IL1RAPL2: variants seen among roughly 807,000 people sequenced by gnomAD.
IL1RAPL2 encodes interleukin 1 receptor accessory protein like 2, also known as X-linked interleukin-1 receptor accessory protein-like 2.
IL1RAPL2 carries 3 observed loss-of-function variants against 44.1 expected under a neutral mutation model. That is an observed-to-expected ratio of 0.07 (90% CI 0.03 to 0.18). The LOEUF (loss-of-function observed/expected upper bound fraction) is 0.18, where lower values mean the gene tolerates loss of function less well. Among genes scored for constraint, IL1RAPL2 ranks in the 10% least tolerant of loss-of-function variants. IL1RAPL2 has a pLI of 1.00. For synonymous variants in IL1RAPL2, 181 were observed against 178.8 expected, an observed-to-expected ratio of 1.01 and a Z score of -0.10; for missense variants, 391 against 496.4, an observed-to-expected ratio of 0.79 and a Z score of 2.02.
At chrX:104,738,593 A>G (rs1932053933) in intron 2 of IL1RAPL2, among the ~76,000 whole-genome samples, 1 of 111,400 alleles carries the variant, frequency 9.0e-6, no homozygotes, top group Non-Finnish European at 1.9e-5. Flanking sequence ...TGGGTATAGT[A>G]TAAACTAACA....
chrX:105,282,715 C>G (rs1428779732), intron 5 of IL1RAPL2, among the ~76,000 whole-genome samples: 1 of 111,617 alleles, frequency 9.0e-6, no homozygotes, highest in Non-Finnish European at 1.9e-5. Context: ...ATAACTCTCT[C>G]TAGCTATATT....
rs1159063011 is a variant in IL1RAPL2 at position 104,660,390 on chromosome X, G to C, written c.82+1395G>C. Among the ~76,000 whole-genome samples, 3 of 108,329 alleles carry C rather than the reference G, an allele frequency of 2.8e-5. No individual in the cohort carries two copies. In the Admixed American group the frequency reaches 3.0e-4, roughly 11 times the overall value. 94.1% of individuals were successfully genotyped at this position (108,329 alleles called of 115,157 possible). A position where few individuals can be genotyped will look rare whatever the true frequency, so the allele number is the denominator to read the frequency against. On this transcript the variant is annotated intron_variant, in intron 2 of 10. Transcript: ENST00000372582. ...ATAATGTCTGGAGCAGATCCGAAAG[G>C]AAAAAAAGAAACGAGGGTTTAAAAA...
rs752240935 is a variant in IL1RAPL2 at position 105,058,114 on chromosome X, A to AT, written c.83-137351dup. On this transcript the variant is annotated intron_variant, in intron 2 of 10. Coordinates refer to ENST00000372582, the MANE Select transcript of IL1RAPL2 (RefSeq NM_017416.2). ...CAGGCGCCTGCCACCACGCCCGGCT[A>AT]TTTTTTTTTTGTATTTTCAGTAGAG... is the stretch of plus-strand genomic sequence containing the variant. 2.7e-3 allele frequency among the ~76,000 whole-genome samples: 281 copies of AT among 104,374 alleles called. 1 individual carries two copies. The highest frequency in any genetic ancestry group is 9.5e-3 in the South Asian group (22 of 2,321). 90.6% of individuals were successfully genotyped at this position (104,374 alleles called of 115,157 possible). A position where few individuals can be genotyped will look rare whatever the true frequency, so the allele number is the denominator to read the frequency against.
At chrX:104,928,756 G>A (rs1295292551) in intron 2 of IL1RAPL2, among the ~76,000 whole-genome samples, 1 of 111,090 alleles carries the variant, frequency 9.0e-6, no homozygotes, top group African/African-American at 3.3e-5. Context: ...ATGTTACTTC[G>A]TAGAATAAGA....
At chrX:104,856,078 T>C (rs915469904) in intron 2 of IL1RAPL2, among the ~76,000 whole-genome samples, 1 of 111,461 alleles carries the variant, frequency 9.0e-6, no homozygotes. Context: ...GTGCCTTCCA[T>C]GTAGTAAGCA....
intron 1 of IL1RAPL2, among the ~76,000 whole-genome samples, chrX:104,643,864 AG>A (rs1370506727): frequency 1.8e-5 from 2 of 111,808 alleles, no homozygotes; most frequent in Non-Finnish European, 3.8e-5. Flanking sequence ...TCCTTGCTGT[AG>A]TAAAATTACT....
At chrX:104,705,418 A>G (rs1931348386) in intron 2 of IL1RAPL2, among the ~76,000 whole-genome samples, 1 of 111,523 alleles carries the variant, frequency 9.0e-6, no homozygotes, top group Non-Finnish European at 1.9e-5. Flanking sequence ...TCAATCTGGA[A>G]ATCAGGGCCC....
chrX:105,309,552 T>C (rs999414096), intron 5 of IL1RAPL2, among the ~76,000 whole-genome samples: 17 of 106,459 alleles, frequency 1.6e-4, no homozygotes, highest in Admixed American at 1.5e-3. Flanking sequence ...GCCAACATGG[T>C]GAAACCCCAT....
At chrX:105,085,702 T>C (rs1164974496) in intron 2 of IL1RAPL2, among the ~76,000 whole-genome samples, 1 of 111,522 alleles carries the variant, frequency 9.0e-6, no homozygotes, top group Non-Finnish European at 1.9e-5. Context: ...ACATGGGAGT[T>C]AGGGATGCTG....
At chrX:105,648,422 T>G (rs1397820964) in intron 6 of IL1RAPL2, among the ~76,000 whole-genome samples, 2 of 111,415 alleles carry the variant, frequency 1.8e-5, no homozygotes, top group Non-Finnish European at 3.8e-5. Context: ...GAATTAGAAT[T>G]TTTAAAAACA....
At chrX:105,298,417 A>C (rs756230166) in intron 5 of IL1RAPL2, among the ~76,000 whole-genome samples, 67 of 110,951 alleles carry the variant, frequency 6.0e-4, no homozygotes, top group African/African-American at 2.1e-3. Flanking sequence ...CGGGAATTAG[A>C]GATGACTCTT....
chrX:104,772,480 A>G (rs1207751169), intron 2 of IL1RAPL2, among the ~76,000 whole-genome samples: 1 of 112,154 alleles, frequency 8.9e-6, no homozygotes, highest in African/African-American at 3.2e-5. Flanking sequence ...TAAAGCCTTT[A>G]TATAAAAGTT....
intron 2 of IL1RAPL2, among the ~76,000 whole-genome samples, chrX:104,907,997 T>G (rs1374762117): frequency 9.0e-6 from 1 of 110,592 alleles, no homozygotes; most frequent in Non-Finnish European, 1.9e-5. Flanking sequence ...CTGTGTTGGG[T>G]GCATATATAT....
chrX:104,568,732 T>G (rs1462924339), intron 1 of IL1RAPL2, among the ~76,000 whole-genome samples: 2 of 111,653 alleles, frequency 1.8e-5, no homozygotes, highest in South Asian at 3.8e-4. Context: ...GCAACTACCC[T>G]GGGACTTAGG....
At chrX:104,582,584 TTC>T (rs1252189356) in intron 1 of IL1RAPL2, among the ~76,000 whole-genome samples, 1 of 37,310 alleles carries the variant, frequency 2.7e-5, no homozygotes, top group African/African-American at 6.7e-5. Context: ...TTCTTTTTCT[TTC>T]TTTCTTTCTT....
At chrX:105,225,694 A>ATTTTTTTTTT (rs146344873) in intron 3 of IL1RAPL2, among the ~76,000 whole-genome samples, 1 of 106,236 alleles carries the variant, frequency 9.4e-6, no homozygotes, top group Non-Finnish European at 1.9e-5. Context: ...ATTTTATTTT[A>ATTTTTTTTTT]TTTTTTTTTC....
At chrX:105,705,810 G>C (rs1361528313) in intron 6 of IL1RAPL2, among the ~76,000 whole-genome samples, 1 of 111,437 alleles carries the variant, frequency 9.0e-6, no homozygotes, top group African/African-American at 3.3e-5. Flanking sequence ...CACCTAGGAA[G>C]GGATCTTGCC....
intron 3 of IL1RAPL2, among the ~76,000 whole-genome samples, chrX:105,205,587 TAAAAAAAA>T (rs375473348): frequency 3.0e-3 from 25 of 8,208 alleles, no homozygotes; most frequent in South Asian, 0.031. Context: ...AAGACTCTGT[TAAAAAAAA>T]AAAAAAAAAA....
At chrX:104,961,775 T>C (rs2030011531) in intron 2 of IL1RAPL2, among the ~76,000 whole-genome samples, 1 of 112,206 alleles carries the variant, frequency 8.9e-6, no homozygotes, top group South Asian at 3.7e-4. Flanking sequence ...TATTCGACAC[T>C]TTATTTTCAG....
Sources: allele counts gnomAD v4.1 joint callset (sites outside exome capture counted in the v4.1 genomes callset), GRCh38; gene constraint gnomAD v4.1.1; transcripts MANE v1.5; gene names NCBI Gene and HGNC (gene_info 2026-07-23, HGNC 2026-07-21).